The following AKR1C1 variants were observed in gnomAD, a reference collection of about 807,000 sequenced individuals.
AKR1C1 encodes the protein 20 alpha-hydroxysteroid dehydrogenase.
A neutral mutation model predicts 40.6 loss-of-function variants in AKR1C1; 32 were observed. The observed-to-expected ratio is 0.79, with a 90% CI of 0.60 to 1.06. AKR1C1 has a LOEUF of 1.06. Ranked by LOEUF, AKR1C1 falls within the 50% of genes least tolerant of loss-of-function variation. AKR1C1 has a pLI of 0.00. For missense variants in AKR1C1, 320 were observed against 363.5 expected, an observed-to-expected ratio of 0.88 and a Z score of 0.97; for synonymous variants, 105 against 134.2, an observed-to-expected ratio of 0.78 and a Z score of 1.50.
intron 3 of AKR1C1, 111 bp from the exon 4 acceptor site, chr10:4,968,198 A>G (rs200246244): frequency 0.1 from 131,083 of 1,277,188 alleles, 16,537 homozygotes; most frequent in East Asian, 0.17. Context: ...TCTCTGGAGC[A>G]CTGCATCACC....
At chr10:4,970,462 A>C (rs1836405374) in intron 5 of AKR1C1, among the ~76,000 whole-genome samples, 1 of 152,128 alleles carries the variant, frequency 6.6e-6, no homozygotes, top group Non-Finnish European at 1.5e-5. Flanking sequence ...GGGCAAGAAA[A>C]TATTTTTATC....
chr10:4,963,959 G>A, intron 1 of AKR1C1: 3 of 741,218 alleles, frequency 4.0e-6, no homozygotes, highest in East Asian at 2.4e-5. Flanking sequence ...GCGGCCTTGA[G>A]CACCACACTG....
At chr10:4,974,104 G>C (rs1836485752) in intron 7 of AKR1C1, among the ~76,000 whole-genome samples, 1 of 151,386 alleles carries the variant, frequency 6.6e-6, no homozygotes, top group Admixed American at 6.6e-5. Context: ...ATGAATCTAG[G>C]TAATGGCATT....
intron 5 of AKR1C1, among the ~76,000 whole-genome samples, chr10:4,969,168 G>A (rs1176496996): frequency 2.6e-5 from 4 of 152,136 alleles, no homozygotes; most frequent in Non-Finnish European, 5.9e-5. Context: ...TTATATTTAT[G>A]GGAGGTCAAT....
At chr10:4,969,216 G>T (rs1033897315) in intron 5 of AKR1C1, among the ~76,000 whole-genome samples, 8 of 152,156 alleles carry the variant, frequency 5.3e-5, no homozygotes, top group African/African-American at 1.9e-4. Flanking sequence ...TTAGACTCAG[G>T]GAAAGGTGGA....
chr10:4,967,547 T>C (rs145648894), intron 3 of AKR1C1: 71 of 961,782 alleles, frequency 7.4e-5, no homozygotes, highest in Non-Finnish European at 8.5e-5. Flanking sequence ...GTTTTATTTT[T>C]GCTTAGCCAT....
Position 4,973,925 on chromosome 10 carries a change from G to C in AKR1C1, c.846+1176G>C, listed in dbSNP as rs555656462. On this transcript the variant is annotated intron_variant, in intron 7 of 8. Transcript: ENST00000380872. ...TACAGATATATGAAATATCATATAT[G>C]ATATATATTATAAAACCTATGTCAC... Among the ~76,000 whole-genome samples, 897 of 145,278 alleles carry C rather than the reference G, an allele frequency of 6.2e-3. 36 individuals are homozygous for C. The highest frequency in any genetic ancestry group is 2.1e-3 in the Non-Finnish European group (139 of 66,286).
At chr10:4,967,196 G>T in intron 3 of AKR1C1, 153 bp downstream of exon 3, 1 of 991,678 alleles carries the variant, frequency 1.0e-6, no homozygotes, top group Non-Finnish European at 1.4e-6. Flanking sequence ...CCTTTCTATG[G>T]GATACATTTT....
rs753483543 is a variant in AKR1C1 at position 4,968,834 on chromosome 10, T to C, written c.460T>C (p.Cys154Arg). ...TCCTTTTTCCCAGGCCGTGGAGAAG[T>C]GTAAAGATGCAGGATTGGCCAAGTC... Reference protein sequence around the residue: ...LCATWEAVEKCKDAGLAKSIG... With the variant: ...LCATWEAVEKRKDAGLAKSIG... Residue 154 changes from cysteine (C) to arginine (R), a missense_variant, in exon 5 of 9, where the codon TGT becomes CGT. By Grantham distance (180) the Cys-to-Arg change is radical. This residue lies in a region of AKR1C1 where 214 missense variants were observed against 214.8 expected (regional missense o/e 1.00). Transcript: ENST00000380872. The C allele has an allele frequency of 1.4e-5, 23 of 1,614,004 alleles. No individual in the cohort carries two copies. Among genetic ancestry groups the C allele is most frequent in the Non-Finnish European group, 1.9e-5 (23 of 1,180,028 alleles).
In AKR1C1 at chr10:4,981,596, A is replaced by C. The variant is rs1836616485; in HGVS notation, c.*3854A>C. ...TAACAGATATATGAAAAAATTTCAC[A>C]TACACTCTGAAGAAGTCTCAGGCAC... On this transcript the variant is annotated 3_prime_UTR_variant, in exon 9 of 9. Coordinates refer to ENST00000380872, the MANE Select transcript of AKR1C1 (RefSeq NM_001353.6). 6.6e-6 allele frequency: 1 copy of C among 152,242 alleles called. No homozygotes were observed. Among genetic ancestry groups the C allele is most frequent in the African/African-American group, 2.4e-5 (1 of 41,464 alleles). The allele number at this position is 152,242 out of a possible 1,614,324, so 9.4% of individuals were successfully genotyped here.
chr10:4,966,166 T>C lies in AKR1C1; in HGVS notation c.252+85T>C, dbSNP rs538218277. 3.3e-6 allele frequency: 5 copies of C among 1,525,908 alleles called. No homozygotes were observed. In the African/African-American group the frequency reaches 6.9e-5, roughly 21 times the overall value. 94.5% of individuals were successfully genotyped at this position (1,525,908 alleles called of 1,614,324 possible). A position where few individuals can be genotyped will look rare whatever the true frequency, so the allele number is the denominator to read the frequency against. On this transcript the variant is annotated intron_variant, in intron 2 of 8. Coordinates refer to ENST00000380872, the MANE Select transcript of AKR1C1 (RefSeq NM_001353.6). ...CAGTTCTATGACTGGATCCATAGTA[T>C]AGGGTGAATTGTGCTTATTTATTAC...
Position 4,983,134 on chromosome 10 carries a change from C to T in AKR1C1, c.*5392C>T, listed in dbSNP as rs897441754. The T allele has an allele frequency of 3.8e-6, 1 of 265,998 alleles. No homozygotes were observed. The highest frequency in any genetic ancestry group is 5.0e-5 in the Admixed American group (1 of 20,020). The allele number at this position is 265,998 out of a possible 1,614,324, so 16.5% of individuals were successfully genotyped here. The stretch of plus-strand genomic sequence containing the variant: ...GAGATGGAGGCACCCAGACAGATGC[C>T]CCATGGACATCCTGAAGCAGAGCTG... On this transcript the variant is annotated 3_prime_UTR_variant, in exon 9 of 9. Coordinates refer to ENST00000380872, the MANE Select transcript of AKR1C1 (RefSeq NM_001353.6).
At chr10:4,972,538 T>C (rs782284162) in intron 6 of AKR1C1, 46 bp from the exon 7 acceptor site, 4 of 1,610,388 alleles carry the variant, frequency 2.5e-6, no homozygotes, top group South Asian at 1.1e-5. Context: ...CCTAACAAAC[T>C]GTATCCCCAG....
rs61854320 is a variant in AKR1C1, at chr10:4,970,336, A to T, written c.570+1392A>T. The stretch of plus-strand genomic sequence containing the variant: ...CTCTTCTTTTTTTAACCAGAATTCA[A>T]TTGTTTTTATATTGTTGTATTTTGA... On this transcript the variant is annotated intron_variant, in intron 5 of 8. Transcript: ENST00000380872. Among the ~76,000 whole-genome samples, 42 of 152,108 alleles carry T rather than the reference A, an allele frequency of 2.8e-4. 1 individual carries two copies. The highest frequency in any genetic ancestry group is 5.1e-4 in the Non-Finnish European group (35 of 68,012).
chr10:4,967,440 C>T (rs1476673540), intron 3 of AKR1C1: 1 of 1,001,322 alleles, frequency 1.0e-6, no homozygotes, highest in Non-Finnish European at 1.2e-6. Context: ...CTTCTTGCCT[C>T]TTTTTAAGGG....
chr10:4,970,785 G>T (rs1172391120), intron 5 of AKR1C1, among the ~76,000 whole-genome samples: 1 of 123,936 alleles, frequency 8.1e-6, no homozygotes, highest in Non-Finnish European at 1.6e-5. Flanking sequence ...ACAGGAAGGG[G>T]AATATCACAC....
intron 5 of AKR1C1, chr10:4,969,575 A>G (rs1476009160): frequency 7.5e-7 from 1 of 1,326,790 alleles, no homozygotes; most frequent in African/African-American, 1.4e-5. Flanking sequence ...CATGGAGCTG[A>G]CCTATGACTG....
Position 4,982,862 on chromosome 10 carries a change from G to T in AKR1C1, c.*5120G>T. The T allele has an allele frequency of 2.4e-6, 1 of 412,682 alleles. No homozygotes were observed. The highest frequency in any genetic ancestry group is 1.8e-5 in the South Asian group (1 of 56,110). 25.6% of individuals were successfully genotyped at this position (412,682 alleles called of 1,614,324 possible). ...AGAAAATGCCTGCATGAGCTCAGCT[G>T]TTACCACTGCGTACCACACCCTGAC... On this transcript the variant is annotated 3_prime_UTR_variant, in exon 9 of 9. Coordinates refer to ENST00000380872, the MANE Select transcript of AKR1C1 (RefSeq NM_001353.6).
rs1453544537 is a variant in AKR1C1 at position 4,965,896 on chromosome 10, C to T, written c.85-18C>T. 3 of 1,610,054 alleles carry T rather than the reference C, an allele frequency of 1.9e-6. No homozygotes were observed. Among genetic ancestry groups the T allele is most frequent in the Admixed American group, 1.7e-5 (1 of 59,090 alleles). Reference sequence around the variant, plus strand: ...AGGCACATTAGTCAGAAAATACTACCTATGGTTACTCCCCCAGGTTCCTAA... The same window carrying T: ...AGGCACATTAGTCAGAAAATACTACTTATGGTTACTCCCCCAGGTTCCTAA... On this transcript the variant is annotated intron_variant, in intron 1 of 8. Coordinates refer to ENST00000380872, the MANE Select transcript of AKR1C1 (RefSeq NM_001353.6).
Sources: allele counts gnomAD v4.1 joint callset (sites outside exome capture counted in the v4.1 genomes callset), GRCh38; gene constraint gnomAD v4.1.1; regional missense constraint gnomAD v4.1.1; transcripts MANE v1.5; gene names NCBI Gene and HGNC (gene_info 2026-07-23, HGNC 2026-07-21).